Variants in NR1D2 observed in about 807,000 individuals in gnomAD.
The protein encoded by NR1D2 is V-erbA-related protein 1-related.
A neutral mutation model predicts 52.2 loss-of-function variants in NR1D2; 25 were observed. The observed-to-expected ratio is 0.48, with a 90% CI of 0.35 to 0.67. The LOEUF is 0.67. Ranked by LOEUF, NR1D2 falls within the 30% of genes least tolerant of loss-of-function variation. The probability of loss-of-function intolerance (pLI) is 0.01; values close to 1 mark genes in which losing one functional copy is unlikely to be tolerated. For missense variants in NR1D2, 681 were observed against 707.2 expected (o/e 0.96, Z 0.42); for synonymous variants, 259 against 230.1 (o/e 1.13, Z -1.14).
In NR1D2 at chr3:23,975,242, C is replaced by T. The variant is rs928906624; in HGVS notation, c.1544-1981C>T. Among the ~76,000 whole-genome samples, 21 of 152,084 alleles carry T rather than the reference C, an allele frequency of 1.4e-4. 1 individual carries two copies. Among genetic ancestry groups the T allele is most frequent in the Admixed American group, 2.6e-4 (4 of 15,278 alleles). ...AAGTGATCCTCCCACCTTAGCCACCCAAGTAGCTGGGACTACTGGCATGTG... is the reference window on the plus strand; with the variant it reads ...AAGTGATCCTCCCACCTTAGCCACCTAAGTAGCTGGGACTACTGGCATGTG... On this transcript the variant is annotated intron_variant, in intron 7 of 7. Coordinates refer to ENST00000312521, the MANE Select transcript of NR1D2 (RefSeq NM_005126.5).
At chr3:23,953,764 A>G (rs1040629936) in intron 1 of NR1D2, among the ~76,000 whole-genome samples, 2 of 152,230 alleles carry the variant, frequency 1.3e-5, no homozygotes, top group African/African-American at 2.4e-5. Flanking sequence ...CTGTGCTTCT[A>G]GCCAAGTGTT....
intron 7 of NR1D2, among the ~76,000 whole-genome samples, chr3:23,970,955 A>G (rs1414975229): frequency 6.6e-6 from 1 of 151,786 alleles, no homozygotes; most frequent in Non-Finnish European, 1.5e-5. Flanking sequence ...CTAATTTTGT[A>G]TTTTCAGTAG....
chr3:23,957,611 T>C (rs1221580238), intron 3 of NR1D2, among the ~76,000 whole-genome samples: 2 of 150,222 alleles, frequency 1.3e-5, no homozygotes, highest in Admixed American at 1.3e-4. Flanking sequence ...TAGTCCCAGC[T>C]ACTCGGGAGG....
intron 2 of NR1D2, 45 bp downstream of exon 2, chr3:23,954,848 A>C (rs774105874): frequency 6.3e-7 from 1 of 1,577,880 alleles, no homozygotes; most frequent in Non-Finnish European, 8.7e-7. Context: ...TTAATTGCAA[A>C]TGGGGCTTAT....
chr3:23,950,562 C>T (rs962815252), intron 1 of NR1D2, among the ~76,000 whole-genome samples: 45 of 152,170 alleles, frequency 3.0e-4, no homozygotes, highest in Admixed American at 2.6e-3. Context: ...GGGTTGCTAT[C>T]AGTCAGGTTC....
At position 23,968,013 on chromosome 3, in the gene NR1D2, G is replaced by A. The variant is rs755384471; in HGVS notation, c.1533G>A (p.Leu511=). 23 of 1,613,784 alleles carry A rather than the reference G, an allele frequency of 1.4e-5. No individual in the cohort carries two copies. The highest frequency in any genetic ancestry group is 1.8e-5 in the Non-Finnish European group (21 of 1,179,856). Residue 511 remains leucine (L), a synonymous_variant, in exon 7 of 8, where the codon CTG becomes CTA. Coordinates refer to ENST00000312521, the MANE Select transcript of NR1D2 (RefSeq NM_005126.5). ...TGAGTTTGTTTACAGCTGTTGTCCT[G>A]GTATCTGCAGGTAAGCAAGCTGGTT... is the stretch of plus-strand genomic sequence containing the variant. ...EEMSLFTAVV[L]VSADRSGIEN...
At chr3:23,948,212 C>T (rs1705822152) in intron 1 of NR1D2, among the ~76,000 whole-genome samples, 1 of 152,170 alleles carries the variant, frequency 6.6e-6, no homozygotes, top group South Asian at 2.1e-4. Context: ...CTCTACCCTT[C>T]CCTCTAGTTT....
chr3:23,968,110 T>C (rs1229451688), intron 7 of NR1D2, 87 bp downstream of exon 7: 3 of 1,027,588 alleles, frequency 2.9e-6, no homozygotes, highest in Non-Finnish European at 4.6e-6. Context: ...TTCCAGAAAG[T>C]TATATAGAGG....
intron 4 of NR1D2, 180 bp downstream of exon 4, chr3:23,959,995 A>G (rs771895834): frequency 6.0e-4 from 274 of 455,272 alleles, no homozygotes; most frequent in Middle Eastern, 8.9e-4. Context: ...TAGCATTATC[A>G]TCCCAGAAAC....
intron 3 of NR1D2, among the ~76,000 whole-genome samples, chr3:23,958,914 A>T (rs1033831050): frequency 6.6e-6 from 1 of 152,150 alleles, no homozygotes; most frequent in Non-Finnish European, 1.5e-5. Flanking sequence ...GCACCACTGC[A>T]CTCCAGCCCG....
intron 7 of NR1D2, among the ~76,000 whole-genome samples, chr3:23,974,330 A>G (rs563763845): frequency 3.9e-5 from 6 of 152,274 alleles, no homozygotes; most frequent in Admixed American, 2.6e-4. Flanking sequence ...CCCCAGCATC[A>G]CTATAAACGT....
intron 2 of NR1D2, among the ~76,000 whole-genome samples, chr3:23,955,047 T>C (rs1030796867): frequency 4.6e-5 from 7 of 152,202 alleles, no homozygotes; most frequent in Admixed American, 1.3e-4. Context: ...CCCTGGTCCC[T>C]CTAGGGTACC....
chr3:23,975,038 C>G (rs1018336919), intron 7 of NR1D2, among the ~76,000 whole-genome samples: 1 of 152,016 alleles, frequency 6.6e-6, no homozygotes, highest in Non-Finnish European at 1.5e-5. Flanking sequence ...AGGCTGGTTT[C>G]AAACTCCTGA....
chr3:23,961,396 T>C (rs1350000882), intron 4 of NR1D2, among the ~76,000 whole-genome samples: 2 of 143,550 alleles, frequency 1.4e-5, no homozygotes, highest in Non-Finnish European at 3.0e-5. Flanking sequence ...TTTCTTTTTT[T>C]TTTTTTTTTT....
rs1404675521 is a variant in NR1D2, at chr3:23,945,591, G to T, written c.13G>T (p.Ala5Ser). The stretch of plus-strand genomic sequence containing the variant: ...CCGCGAGGGCACCATGGAGGTGAAT[G>T]CAGGTAAGAACCGGACTGCGGCGGG... MEVN[A>S]GGVIAYISSS... The change falls in exon 1 of 8, where the codon GCA (alanine) becomes TCA (serine). Residue 5 changes from alanine to serine, a missense_variant. Around this residue, in one of 3 missense-constraint regions of NR1D2, gnomAD observed 94 missense variants for 90.4 expected, o/e 1.04. Transcript: ENST00000312521. 1 of 1,175,522 alleles carries T rather than the reference G, an allele frequency of 8.5e-7. No homozygotes were observed. The allele number at this position is 1,175,522 out of a possible 1,614,324, so 72.8% of individuals were successfully genotyped here.
Position 23,978,181 on chromosome 3 carries a change from TACAC to T in NR1D2, c.*765_*768del, listed in dbSNP as rs1706786265. On this transcript the variant is annotated 3_prime_UTR_variant, in exon 8 of 8. Transcript: ENST00000312521. ...CCATATGTGTGGGGTATCCTACTGA[TACAC>T]ACGTATTCAAAGTTTATGGGTACAA... 6.6e-6 allele frequency: 1 copy of T among 152,206 alleles called. No individual in the cohort carries two copies. Among genetic ancestry groups the T allele is most frequent in the African/African-American group, 2.4e-5 (1 of 41,460 alleles). The allele number at this position is 152,206 out of a possible 1,614,324, so 9.4% of individuals were successfully genotyped here.
At chr3:23,963,512 C>T (rs940570580) in intron 5 of NR1D2, 26 of 508,986 alleles carry the variant, frequency 5.1e-5, no homozygotes, top group Middle Eastern at 1.0e-3. Flanking sequence ...TGCGGTGGCG[C>T]GACCTCAGCT....
intron 1 of NR1D2, among the ~76,000 whole-genome samples, chr3:23,951,541 T>C (rs1224807895): frequency 6.6e-6 from 1 of 152,260 alleles, no homozygotes; most frequent in Non-Finnish European, 1.5e-5. Flanking sequence ...TCTAAAGTTA[T>C]ATAAAGACAG....
intron 7 of NR1D2, among the ~76,000 whole-genome samples, chr3:23,970,226 G>C (rs1286773941): frequency 6.6e-6 from 1 of 152,066 alleles, no homozygotes; most frequent in African/African-American, 2.4e-5. Context: ...CATCAGGTGG[G>C]GTGAACTCTT....
Sources: gnomAD v4.1 joint callset for allele counts (sites outside exome capture counted in the v4.1 genomes callset) on GRCh38, gnomAD v4.1.1 for gene constraint, gnomAD v4.1.1 regional missense constraint, MANE v1.5 for transcripts, NCBI Gene and HGNC (gene_info 2026-07-23, HGNC 2026-07-21) for gene names.